GPC5: variants seen among roughly 807,000 people sequenced by gnomAD.
GPC5 encodes the protein glypican 5.
A neutral mutation model predicts 53.9 loss-of-function variants in GPC5; 47 were observed. The observed-to-expected ratio is 0.87, with a 90% CI of 0.69 to 1.11. The LOEUF (loss-of-function observed/expected upper bound fraction) is 1.11. Ranked by LOEUF, GPC5 falls within the 50% of genes most tolerant of loss-of-function variation. The pLI is 0.00. For synonymous variants in GPC5, 286 were observed against 263.3 expected (o/e 1.09, Z -0.84); for missense variants, 748 against 713.1 (o/e 1.05, Z -0.56).
chr13:92,323,559 T>C (rs2043230216), intron 7 of GPC5, among the ~76,000 whole-genome samples: 2 of 151,726 alleles, frequency 1.3e-5, no homozygotes, highest in Non-Finnish European at 2.9e-5. Flanking sequence ...TTATGCACAT[T>C]GTATTATCTC....
chr13:91,710,426 G>A (rs78447807), intron 3 of GPC5, among the ~76,000 whole-genome samples: 2,803 of 152,204 alleles, frequency 0.018, 79 homozygotes, highest in African/African-American at 0.063. Context: ...TATTATTAGC[G>A]TTGTATCTGC....
At chr13:91,675,270 T>C (rs2035355756) in intron 2 of GPC5, among the ~76,000 whole-genome samples, 1 of 152,184 alleles carries the variant, frequency 6.6e-6, no homozygotes. Flanking sequence ...AAGGACTTAG[T>C]AGAGAAACAC....
At chr13:91,677,154 C>G (rs960506953) in intron 2 of GPC5, among the ~76,000 whole-genome samples, 37 of 152,136 alleles carry the variant, frequency 2.4e-4, no homozygotes, top group South Asian at 8.3e-4. Context: ...ATGTAGGAAG[C>G]AGAATAGATA....
At chr13:92,655,730 C>T (rs1056472183) in intron 7 of GPC5, among the ~76,000 whole-genome samples, 4 of 152,084 alleles carry the variant, frequency 2.6e-5, no homozygotes, top group South Asian at 2.1e-4. Context: ...GAACTGACAA[C>T]AGACCAGATG....
chr13:92,628,465 G>A (rs1055107636), intron 7 of GPC5, among the ~76,000 whole-genome samples: 1 of 151,424 alleles, frequency 6.6e-6, no homozygotes, highest in Non-Finnish European at 1.5e-5. Flanking sequence ...GGGCTGCTTT[G>A]GGGGTCAGCA....
intron 2 of GPC5, among the ~76,000 whole-genome samples, chr13:91,577,517 C>A (rs553909302): frequency 3.3e-4 from 50 of 152,326 alleles, no homozygotes; most frequent in Non-Finnish European, 5.3e-4. Context: ...CTGCTACCTT[C>A]CCTGACTGTT....
In GPC5 at chr13:92,228,438, C is replaced by T. The variant is rs1438274808; in HGVS notation, c.1561+83449C>T. Among the ~76,000 whole-genome samples the T allele has an allele frequency of 2.3e-4, 35 of 151,294 alleles. 1 individual carries two copies. Among genetic ancestry groups the T allele is most frequent in the Admixed American group, 2.2e-3 (33 of 15,170 alleles). The stretch of plus-strand genomic sequence containing the variant: ...ATCTTTGAGGATACATTCAAGAGGT[C>T]CTTTACACATTTAATAGTCTTAAGA... On this transcript the variant is annotated intron_variant, in intron 7 of 7. Coordinates refer to ENST00000377067, the MANE Select transcript of GPC5 (RefSeq NM_004466.6).
intron 2 of GPC5, among the ~76,000 whole-genome samples, chr13:91,451,195 A>G (rs1361937540): frequency 2.6e-5 from 4 of 152,170 alleles, no homozygotes; most frequent in Non-Finnish European, 5.9e-5. Flanking sequence ...TGTTAAGTAG[A>G]TGTGCTACAT....
chr13:92,074,835 T>C (rs185153013), intron 6 of GPC5, among the ~76,000 whole-genome samples: 1 of 152,328 alleles, frequency 6.6e-6, no homozygotes, highest in Admixed American at 6.5e-5. Flanking sequence ...ACCTGACTTC[T>C]TCAGCTTTGC....
At chr13:92,776,116 G>T (rs1875794222) in intron 7 of GPC5, among the ~76,000 whole-genome samples, 2 of 152,148 alleles carry the variant, frequency 1.3e-5, no homozygotes, top group African/African-American at 4.8e-5. Flanking sequence ...TATTAGAAGG[G>T]CTGCTTTCCT....
At chr13:91,437,390 C>CA (rs1880066156) in intron 1 of GPC5, among the ~76,000 whole-genome samples, 1 of 152,268 alleles carries the variant, frequency 6.6e-6, no homozygotes, top group Non-Finnish European at 1.5e-5. Flanking sequence ...CTGGTGGTGA[C>CA]AAAATCTCTT....
intron 2 of GPC5, among the ~76,000 whole-genome samples, chr13:91,647,599 C>G (rs936527868): frequency 6.6e-6 from 1 of 152,148 alleles, no homozygotes; most frequent in African/African-American, 2.4e-5. Flanking sequence ...TGGCCTGTTC[C>G]TAGGAAAAAC....
chr13:92,349,105 A>G (rs2043452811), intron 7 of GPC5, among the ~76,000 whole-genome samples: 3 of 152,204 alleles, frequency 2.0e-5, no homozygotes, highest in Non-Finnish European at 4.4e-5. Flanking sequence ...AATACAAAAG[A>G]TTAATGAAAC....
At chr13:92,165,957 G>A (rs562272850) in intron 7 of GPC5, among the ~76,000 whole-genome samples, 97 of 152,126 alleles carry the variant, frequency 6.4e-4, no homozygotes, top group Non-Finnish European at 1.2e-3. Flanking sequence ...CAACAAATAG[G>A]ACTTCAGCCA....
Position 91,818,268 on chromosome 13 carries a change from G to A in GPC5, c.1280+61848G>A, listed in dbSNP as rs116130138. ...TTTTTGTTTACCAGAATGTCTGGCA[G>A]CTTGTATATCACAACTGCTAGGCTA... On this transcript the variant is annotated intron_variant, in intron 5 of 7. Coordinates refer to ENST00000377067, the MANE Select transcript of GPC5 (RefSeq NM_004466.6). Among the ~76,000 whole-genome samples, 333 of 152,292 alleles carry A rather than the reference G, an allele frequency of 2.2e-3. 1 individual carries two copies. Among genetic ancestry groups the A allele is most frequent in the African/African-American group, 7.5e-3 (313 of 41,562 alleles).
intron 7 of GPC5, among the ~76,000 whole-genome samples, chr13:92,300,055 T>A (rs1197558164): frequency 2.0e-5 from 3 of 152,182 alleles, no homozygotes; most frequent in Non-Finnish European, 2.9e-5. Flanking sequence ...CCATAAGGAA[T>A]GAAACTATAT....
At chr13:92,380,867 C>G (rs978545069) in intron 7 of GPC5, among the ~76,000 whole-genome samples, 1 of 151,338 alleles carries the variant, frequency 6.6e-6, no homozygotes, top group Non-Finnish European at 1.5e-5. Flanking sequence ...ATGTAACTAA[C>G]CTGCACAATG....
At chr13:92,675,121 T>C (rs1886892966) in intron 7 of GPC5, among the ~76,000 whole-genome samples, 1 of 151,848 alleles carries the variant, frequency 6.6e-6, no homozygotes, top group African/African-American at 2.4e-5. Context: ...CTTTTTTAGA[T>C]AGGAATATCT....
chr13:92,716,238 C>T (rs1216467982), intron 7 of GPC5, among the ~76,000 whole-genome samples: 1 of 151,932 alleles, frequency 6.6e-6, no homozygotes, highest in African/African-American at 2.4e-5. Flanking sequence ...ATAAGAAGAT[C>T]CCTCCATTTT....
Sources: gnomAD v4.1 joint callset for allele counts (sites outside exome capture counted in the v4.1 genomes callset) on GRCh38, gnomAD v4.1.1 for gene constraint, MANE v1.5 for transcripts, NCBI Gene and HGNC (gene_info 2026-07-23, HGNC 2026-07-21) for gene names.